LZTS1: variants seen among roughly 807,000 people sequenced by gnomAD.
The protein encoded by LZTS1 is leucine zipper putative tumor suppressor 1.
A neutral mutation model predicts 45.8 loss-of-function variants in LZTS1; 31 were observed. That is an observed-to-expected ratio of 0.68 (90% CI 0.51 to 0.91). The LOEUF is 0.91. LZTS1 is among the 40% of genes least tolerant of loss of function. The pLI, the probability that LZTS1 is intolerant of heterozygous loss-of-function variation, is 0.00. For synonymous variants in LZTS1, 359 were observed against 357.3 expected (o/e 1.00, Z -0.05); for missense variants, 821 against 788.9 (o/e 1.04, Z -0.49).
intron 1 of LZTS1, among the ~76,000 whole-genome samples, chr8:20,285,193 G>C (rs1012291622): frequency 2.0e-5 from 3 of 152,176 alleles, no homozygotes; most frequent in Admixed American, 1.3e-4. Context: ...GCTTCCCTTC[G>C]TAGAGATTCT....
intron 1 of LZTS1, among the ~76,000 whole-genome samples, chr8:20,283,991 T>G (rs995155385): frequency 6.6e-6 from 1 of 152,126 alleles, no homozygotes; most frequent in Non-Finnish European, 1.5e-5. Flanking sequence ...GCCCAAGCAA[T>G]AGATGCTCCA....
At chr8:20,260,323 T>G (rs902708588) in intron 1 of LZTS1, among the ~76,000 whole-genome samples, 4 of 152,146 alleles carry the variant, frequency 2.6e-5, no homozygotes, top group African/African-American at 9.7e-5. Context: ...TAGGGTTTAT[T>G]GTGTGTATCT....
rs1799742214 is a variant in LZTS1 at position 20,246,844 on chromosome 8, TGGG to T, written c.*2875_*2877del. 6.6e-6 allele frequency: 1 copy of T among 152,174 alleles called. No homozygotes were observed. Among genetic ancestry groups the T allele is most frequent in the Non-Finnish European group, 1.5e-5 (1 of 68,200 alleles). The allele number at this position is 152,174 out of a possible 1,614,324, so 9.4% of individuals were successfully genotyped here. On this transcript the variant is annotated 3_prime_UTR_variant, in exon 4 of 4. Transcript: ENST00000381569. ...AGGTTGGTCCATCCGAGTGGGTCAG[TGGG>T]TCGGCCAGCAGGCGTGCCCAGAGGG...
intron 1 of LZTS1, among the ~76,000 whole-genome samples, chr8:20,269,634 G>A (rs1800434347): frequency 1.3e-5 from 2 of 152,238 alleles, no homozygotes; most frequent in South Asian, 2.1e-4. Context: ...AATGGAAACT[G>A]AGCGATGGCA....
chr8:20,259,697 T>C (rs1217442452), intron 1 of LZTS1, among the ~76,000 whole-genome samples: 1 of 152,166 alleles, frequency 6.6e-6, no homozygotes, highest in Non-Finnish European at 1.5e-5. Flanking sequence ...CTGCTTCCCC[T>C]GCCTGGAATT....
chr8:20,257,823 C>G (rs1800142146), intron 1 of LZTS1, among the ~76,000 whole-genome samples: 1 of 152,202 alleles, frequency 6.6e-6, no homozygotes, highest in Non-Finnish European at 1.5e-5. Flanking sequence ...GTGAGCACCA[C>G]CATGACTGGC....
intron 1 of LZTS1, among the ~76,000 whole-genome samples, chr8:20,294,566 G>A (rs868831523): frequency 2.0e-4 from 30 of 152,254 alleles, no homozygotes; most frequent in South Asian, 1.2e-3. Flanking sequence ...CTGGGGCCAC[G>A]GAGGCGTTGG....
In LZTS1 at chr8:20,249,014, T is replaced by C. The variant is rs1291319006; in HGVS notation, c.*708A>G. 1.3e-5 allele frequency: 2 copies of C among 153,036 alleles called. No individual in the cohort carries two copies. The highest frequency in any genetic ancestry group is 4.8e-5 in the African/African-American group (2 of 41,428). The allele number at this position is 153,036 out of a possible 1,614,324, so 9.5% of individuals were successfully genotyped here. ...TGTCCAGAGGCTGCTCAGCTCCCAT[T>C]TGCAAGAACCAGTAAACAGGGGCTG... On this transcript the variant is annotated 3_prime_UTR_variant, in exon 4 of 4. Transcript: ENST00000381569.
intron 1 of LZTS1, among the ~76,000 whole-genome samples, chr8:20,287,235 G>A (rs4922153): frequency 0.7 from 106,904 of 152,114 alleles, 37,632 homozygotes; most frequent in Admixed American, 0.77. Flanking sequence ...CCCACACTAT[G>A]TGAGTTCCTA....
chr8:20,257,167 T>A (rs1420114657), intron 1 of LZTS1, among the ~76,000 whole-genome samples: 2 of 152,128 alleles, frequency 1.3e-5, no homozygotes, highest in South Asian at 2.1e-4. Flanking sequence ...CTGGCTAACA[T>A]GGTGGAACCC....
intron 1 of LZTS1, among the ~76,000 whole-genome samples, chr8:20,292,231 G>T (rs1039920796): frequency 6.6e-6 from 1 of 152,204 alleles, no homozygotes; most frequent in Non-Finnish European, 1.5e-5. Context: ...GGCACCCAGT[G>T]TGTCTGAGAT....
At chr8:20,303,066 G>C (rs1239731378) in intron 1 of LZTS1, among the ~76,000 whole-genome samples, 1 of 152,040 alleles carries the variant, frequency 6.6e-6, no homozygotes, top group Non-Finnish European at 1.5e-5. Context: ...AGGTAGTGTG[G>C]GGCTGTCTGT....
intron 1 of LZTS1, among the ~76,000 whole-genome samples, chr8:20,297,038 C>T (rs774624252): frequency 6.6e-6 from 1 of 152,152 alleles, no homozygotes; most frequent in Non-Finnish European, 1.5e-5. Context: ...CTCCTTCCCA[C>T]GATGCTCCAT....
In LZTS1 at chr8:20,255,141, T is replaced by C. The variant is rs1267228163; in HGVS notation, c.41A>G (p.His14Arg). ...CTGCGAAGCCCGGCAGTGCTTGCTG[T>C]GGAAGCTGTGGCCGGAGATGAGGCT... ...VSSLISGHSF[H>R]SKHCRASQYK... Residue 14 changes from histidine (H) to arginine (R), a missense_variant, in exon 2 of 4, where the codon CAC becomes CGC. Coordinates refer to ENST00000381569, the MANE Select transcript of LZTS1 (RefSeq NM_021020.5). 1.9e-6 allele frequency: 3 copies of C among 1,613,828 alleles called. No individual in the cohort carries two copies. The Admixed American group carries it at 5.0e-5, about 27-fold the overall frequency.
chr8:20,275,273 G>A (rs1800556527), intron 1 of LZTS1, among the ~76,000 whole-genome samples: 1 of 151,966 alleles, frequency 6.6e-6, no homozygotes, highest in African/African-American at 2.4e-5. Flanking sequence ...GTGGTGGCGG[G>A]CAGCTGTAAT....
intron 1 of LZTS1, among the ~76,000 whole-genome samples, chr8:20,277,612 G>T (rs1038132582): frequency 6.6e-6 from 1 of 152,194 alleles, no homozygotes; most frequent in African/African-American, 2.4e-5. Context: ...AATGGTTTAA[G>T]AACTGGGCCT....
intron 1 of LZTS1, among the ~76,000 whole-genome samples, chr8:20,259,631 T>G (rs914597907): frequency 6.6e-6 from 1 of 152,180 alleles, no homozygotes; most frequent in Non-Finnish European, 1.5e-5. Context: ...CTCATCTCTT[T>G]CCTGGTGGGT....
intron 1 of LZTS1, among the ~76,000 whole-genome samples, chr8:20,263,909 A>T (rs1800297597): frequency 6.6e-6 from 1 of 152,126 alleles, no homozygotes; most frequent in Non-Finnish European, 1.5e-5. Context: ...TACAAAAATA[A>T]CCCAAGTACC....
intron 1 of LZTS1, among the ~76,000 whole-genome samples, chr8:20,285,238 G>C (rs754253386): frequency 1.3e-5 from 2 of 152,138 alleles, no homozygotes; most frequent in African/African-American, 2.4e-5. Flanking sequence ...TCCTGCCCTT[G>C]TGAGCTCATC....
Sources: allele counts gnomAD v4.1 joint callset (sites outside exome capture counted in the v4.1 genomes callset), GRCh38; gene constraint gnomAD v4.1.1; transcripts MANE v1.5; gene names NCBI Gene and HGNC (gene_info 2026-07-23, HGNC 2026-07-21).